Variants in AGO3 observed in about 807,000 individuals in gnomAD.
AGO3 encodes argonaute RISC catalytic component 3.
Under a neutral mutation model 105.5 loss-of-function variants are expected in AGO3, and 16 were observed. The ratio of observed to expected loss-of-function variants is 0.15; its 90% CI spans 0.10 to 0.23. AGO3 has a LOEUF of 0.23. Ranked by LOEUF, AGO3 falls within the 10% of genes least tolerant of loss-of-function variation. The pLI, the probability that AGO3 is intolerant of heterozygous loss-of-function variation, is 1.00. For missense variants in AGO3, 534 were observed against 1,088.0 expected, an observed-to-expected ratio of 0.49 and a Z score of 7.16; for synonymous variants, 340 against 367.3, an observed-to-expected ratio of 0.93 and a Z score of 0.85.
rs1227480127 is a variant in AGO3 at position 36,060,311 on chromosome 1, G to A, written c.*4566G>A. On this transcript the variant is annotated 3_prime_UTR_variant, in exon 19 of 19. Coordinates refer to ENST00000373191, the MANE Select transcript of AGO3 (RefSeq NM_024852.4). Reference sequence around the variant, plus strand: ...ATGAAAGACTGAAGGCATGTCTAGGGAAATAAAACCTGACTTGCCCTTCAG... The same window carrying A: ...ATGAAAGACTGAAGGCATGTCTAGGAAAATAAAACCTGACTTGCCCTTCAG... 1 of 152,230 alleles carries A rather than the reference G, an allele frequency of 6.6e-6. No homozygotes were observed. Among genetic ancestry groups the A allele is most frequent in the East Asian group, 1.9e-4 (1 of 5,202 alleles). 9.4% of individuals were successfully genotyped at this position (152,230 alleles called of 1,614,324 possible).
At chr1:36,005,621 G>A in intron 6 of AGO3, 1 of 638,072 alleles carries the variant, frequency 1.6e-6, no homozygotes, top group African/African-American at 2.0e-5. Context: ...ATGGTTTCCA[G>A]TGGAGTTGCT....
At chr1:35,947,384 A>G (rs1571416318) in intron 2 of AGO3, among the ~76,000 whole-genome samples, 1 of 152,132 alleles carries the variant, frequency 6.6e-6, no homozygotes, top group Non-Finnish European at 1.5e-5. Flanking sequence ...AGTGAACAAC[A>G]CAAGTCAAAA....
intron 12 of AGO3, among the ~76,000 whole-genome samples, chr1:36,030,542 A>G (rs1351703422): frequency 2.6e-5 from 4 of 152,078 alleles, no homozygotes; most frequent in Non-Finnish European, 4.4e-5. Context: ...AGTACAAATC[A>G]ATAAAGGGAA....
chr1:36,063,893 C>T lies in AGO3; in HGVS notation c.*8148C>T, dbSNP rs1643053842. 1 of 152,194 alleles carries T rather than the reference C, an allele frequency of 6.6e-6. No homozygotes were observed. The highest frequency in any genetic ancestry group is 1.5e-5 in the Non-Finnish European group (1 of 68,084). 9.4% of individuals were successfully genotyped at this position (152,194 alleles called of 1,614,324 possible). A position where few individuals can be genotyped will look rare whatever the true frequency, so the allele number is the denominator to read the frequency against. On this transcript the variant is annotated 3_prime_UTR_variant, in exon 19 of 19. Transcript: ENST00000373191. Reference sequence around the variant, plus strand: ...CCTCTGAAGTAGCTGGGACTACTCACATGCGCCACCATGCCCAGCTAATGG... The same window carrying T: ...CCTCTGAAGTAGCTGGGACTACTCATATGCGCCACCATGCCCAGCTAATGG...
chr1:35,994,872 C>A (rs1393454391), intron 5 of AGO3, among the ~76,000 whole-genome samples: 1 of 152,010 alleles, frequency 6.6e-6, no homozygotes, highest in Admixed American at 6.6e-5. Flanking sequence ...GTTCTTGGAC[C>A]AGAAGTCTCA....
chr1:36,071,667 A>G lies in AGO3; in HGVS notation c.*15922A>G, dbSNP rs1643168590. 6.6e-6 allele frequency: 1 copy of G among 152,186 alleles called. No individual in the cohort carries two copies. Among genetic ancestry groups the G allele is most frequent in the Non-Finnish European group, 1.5e-5 (1 of 68,024 alleles). The allele number at this position is 152,186 out of a possible 1,614,324, so 9.4% of individuals were successfully genotyped here. A position where few individuals can be genotyped will look rare whatever the true frequency, so the allele number is the denominator to read the frequency against. On this transcript the variant is annotated 3_prime_UTR_variant, in exon 19 of 19. Coordinates refer to ENST00000373191, the MANE Select transcript of AGO3 (RefSeq NM_024852.4). The stretch of plus-strand genomic sequence containing the variant: ...TTCATAAGTAAGAAAAATTTATTGT[A>G]GTATTTCAAGACTGCAGAATTTCAA...
chr1:35,962,420 G>A (rs1188849533), intron 2 of AGO3, among the ~76,000 whole-genome samples: 1 of 151,978 alleles, frequency 6.6e-6, no homozygotes, highest in Non-Finnish European at 1.5e-5. Context: ...GCGGGTGCCT[G>A]TAGTCCCAGC....
chr1:36,006,853 C>T (rs1247110151), intron 6 of AGO3, among the ~76,000 whole-genome samples: 1 of 152,188 alleles, frequency 6.6e-6, no homozygotes, highest in Non-Finnish European at 1.5e-5. Flanking sequence ...TTGTTCTGAT[C>T]TATCAGAAGA....
At chr1:35,997,499 G>A (rs954836888) in intron 5 of AGO3, among the ~76,000 whole-genome samples, 10 of 152,230 alleles carry the variant, frequency 6.6e-5, no homozygotes, top group Admixed American at 1.3e-4. Context: ...GATCACAAGG[G>A]TACAGTGTAC....
chr1:36,008,027 A>G lies in AGO3; in HGVS notation c.794-663A>G, dbSNP rs557360253. Among the ~76,000 whole-genome samples the G allele has an allele frequency of 1.3e-5, 2 of 152,316 alleles. No homozygotes were observed. Among genetic ancestry groups the G allele is most frequent in the South Asian group, 4.1e-4 (2 of 4,830 alleles). On this transcript the variant is annotated intron_variant, in intron 6 of 18. Transcript: ENST00000373191. This position sits in a 1 kb window ranked among gnomAD's most constrained non-coding sequence, Gnocchi z 5.1. Reference sequence around the variant, plus strand: ...ATTTTGCTGAGAGTTTATTGCTTACATCAGATTCTCAAAGGGATCTTGACT... The same window carrying G: ...ATTTTGCTGAGAGTTTATTGCTTACGTCAGATTCTCAAAGGGATCTTGACT...
At chr1:35,946,387 T>C (rs1427316051) in intron 2 of AGO3, among the ~76,000 whole-genome samples, 1 of 152,174 alleles carries the variant, frequency 6.6e-6, no homozygotes, top group Non-Finnish European at 1.5e-5. Context: ...AAGCTTCCTC[T>C]CGCCTCCCCC....
At chr1:35,990,068 CAGAA>C (rs1647477552) in intron 5 of AGO3, among the ~76,000 whole-genome samples, 1 of 152,202 alleles carries the variant, frequency 6.6e-6, no homozygotes, top group African/African-American at 2.4e-5. Context: ...AGTTTAGAGA[CAGAA>C]AGTCACATAG....
intron 6 of AGO3, among the ~76,000 whole-genome samples, chr1:36,007,509 C>T (rs200184977): frequency 1.3e-5 from 2 of 152,206 alleles, no homozygotes; most frequent in African/African-American, 4.8e-5. Context: ...CCAGCCTGGC[C>T]AACATGGCGA....
chr1:36,031,357 T>C (rs1477017729), intron 12 of AGO3, among the ~76,000 whole-genome samples: 2 of 152,184 alleles, frequency 1.3e-5, no homozygotes, highest in East Asian at 3.8e-4. Flanking sequence ...CCTTCATTTA[T>C]GATTTCTGAT....
Position 35,931,403 on chromosome 1 carries a change from G to C in AGO3, c.-24G>C. 1 of 1,461,472 alleles carries C rather than the reference G, an allele frequency of 6.8e-7. No individual in the cohort carries two copies. Among genetic ancestry groups the C allele is most frequent in the South Asian group, 1.4e-5 (1 of 70,672 alleles). 90.5% of individuals were successfully genotyped at this position (1,461,472 alleles called of 1,614,324 possible). A position where few individuals can be genotyped will look rare whatever the true frequency, so the allele number is the denominator to read the frequency against. On this transcript the variant is annotated 5_prime_UTR_variant, in exon 1 of 19. Transcript: ENST00000373191. ...CCAGTGGCGGGCTCCGTTCTCCCTC[G>C]AAGCACTCCCCCCAGCTCCATGAAT...
At chr1:36,015,345 G>C (rs1020575710) in intron 11 of AGO3, among the ~76,000 whole-genome samples, 1 of 152,220 alleles carries the variant, frequency 6.6e-6, no homozygotes, top group Non-Finnish European at 1.5e-5. Flanking sequence ...AGGAACCTTT[G>C]TGTGTTCAGC....
At chr1:36,042,801 G>A (rs1642305070) in intron 16 of AGO3, among the ~76,000 whole-genome samples, 1 of 152,184 alleles carries the variant, frequency 6.6e-6, no homozygotes, top group Non-Finnish European at 1.5e-5. Flanking sequence ...TGTTGAAACT[G>A]ATAGTATGAA....
intron 12 of AGO3, among the ~76,000 whole-genome samples, chr1:36,031,905 C>T (rs980438643): frequency 5.1e-5 from 5 of 98,920 alleles, no homozygotes; most frequent in South Asian, 7.1e-4. Flanking sequence ...TGTGGGGGGG[C>T]GGGGGGTGTG....
At chr1:36,046,623 TAAAAAAAAAAAAAA>T (rs3073806) in intron 17 of AGO3, among the ~76,000 whole-genome samples, 357 of 34,490 alleles carry the variant, frequency 0.01, 12 homozygotes, top group Middle Eastern at 0.091. Context: ...AGTCTCTATT[TAAAAAAAAAAAAAA>T]AAAAAAAAAA....
Sources: gnomAD v4.1 joint callset for allele counts (sites outside exome capture counted in the v4.1 genomes callset) on GRCh38, gnomAD v4.1.1 for gene constraint, Gnocchi (gnomAD v3.1) non-coding constraint, MANE v1.5 for transcripts, NCBI Gene and HGNC (gene_info 2026-07-23, HGNC 2026-07-21) for gene names.